The following ESRRG variants were observed in gnomAD, a reference collection of about 807,000 sequenced individuals.
ESRRG encodes estrogen related receptor gamma.
In ESRRG, 13 loss-of-function variants were observed where a neutral mutation model predicts 44.0. The observed-to-expected ratio is 0.30, with a 90% CI of 0.19 to 0.47. The LOEUF (loss-of-function observed/expected upper bound fraction) is 0.47, where lower values mean the gene tolerates loss of function less well. Ranked by LOEUF, ESRRG falls within the 20% of genes least tolerant of loss-of-function variation. ESRRG has a pLI of 1.00. For synonymous variants in ESRRG, 215 were observed against 214.6 expected (o/e 1.00, Z -0.02); for missense variants, 395 against 580.6 (o/e 0.68, Z 3.29).
At chr1:216,698,462 T>A (rs1296996995) in intron 1 of ESRRG, among the ~76,000 whole-genome samples, 1 of 136,976 alleles carries the variant, frequency 7.3e-6, no homozygotes, top group East Asian at 2.1e-4. Context: ...GAGCTTGCAG[T>A]GAGCCGAGAT....
At chr1:216,810,273 C>A (rs1015146680) in intron 2 of ESRRG, among the ~76,000 whole-genome samples, 11 of 152,092 alleles carry the variant, frequency 7.2e-5, no homozygotes, top group African/African-American at 2.4e-4. Flanking sequence ...TTTTTCTATG[C>A]CATCTATTCC....
chr1:216,894,351 G>A (rs1577791846), intron 2 of ESRRG, among the ~76,000 whole-genome samples: 1 of 152,228 alleles, frequency 6.6e-6, no homozygotes, highest in East Asian at 1.9e-4. Flanking sequence ...ATAACTCCCT[G>A]AGTCAGGTAA....
intron 1 of ESRRG, among the ~76,000 whole-genome samples, chr1:217,100,416 A>C (rs532711446): frequency 6.6e-6 from 1 of 152,308 alleles, no homozygotes; most frequent in East Asian, 1.9e-4. Context: ...GCCCTTTGAC[A>C]GTATCTTTTC....
intron 3 of ESRRG, among the ~76,000 whole-genome samples, chr1:216,637,155 C>T (rs542044119): frequency 3.9e-5 from 6 of 152,168 alleles, no homozygotes; most frequent in Admixed American, 6.5e-5. Flanking sequence ...CGGGGACAGA[C>T]GCTGGGCAAT....
intron 1 of ESRRG, among the ~76,000 whole-genome samples, chr1:216,980,359 C>T (rs545000760): frequency 1.4e-4 from 21 of 152,214 alleles, no homozygotes; most frequent in African/African-American, 4.8e-4. Context: ...CCAGAAAAAC[C>T]TCAAACCTGA....
chr1:217,006,267 G>A (rs568517800), intron 1 of ESRRG, among the ~76,000 whole-genome samples: 1 of 152,150 alleles, frequency 6.6e-6, no homozygotes, highest in Admixed American at 6.5e-5. Context: ...TGATGATTAG[G>A]TAATATAAAG....
At chr1:216,590,041 A>T (rs989902441) in intron 3 of ESRRG, among the ~76,000 whole-genome samples, 3 of 151,998 alleles carry the variant, frequency 2.0e-5, no homozygotes, top group African/African-American at 7.2e-5. Flanking sequence ...AATAAAACTT[A>T]AAAGTGAGTA....
intron 1 of ESRRG, among the ~76,000 whole-genome samples, chr1:217,004,126 A>G (rs1392772562): frequency 1.3e-5 from 2 of 152,208 alleles, no homozygotes; most frequent in Non-Finnish European, 2.9e-5. Context: ...TTACATTTCT[A>G]CAACGTAAAA....
At chr1:216,745,697 G>A (rs1297630772) in intron 2 of ESRRG, among the ~76,000 whole-genome samples, 1 of 152,104 alleles carries the variant, frequency 6.6e-6, no homozygotes, top group African/African-American at 2.4e-5. Flanking sequence ...TGTCAGCTCT[G>A]TGTATTACTA....
chr1:216,625,908 T>C (rs1179920886), intron 3 of ESRRG, among the ~76,000 whole-genome samples: 1 of 152,200 alleles, frequency 6.6e-6, no homozygotes, highest in East Asian at 1.9e-4. Flanking sequence ...CCTGTCTTAC[T>C]GTCTCTATCT....
chr1:216,579,287 A>T (rs1259359165), intron 3 of ESRRG, among the ~76,000 whole-genome samples: 2 of 152,154 alleles, frequency 1.3e-5, no homozygotes, highest in Non-Finnish European at 2.9e-5. Context: ...ACTAGGTCTT[A>T]ATATGGATCC....
chr1:216,993,700 C>T (rs2076019463), intron 1 of ESRRG, among the ~76,000 whole-genome samples: 2 of 152,140 alleles, frequency 1.3e-5, no homozygotes, highest in Non-Finnish European at 1.5e-5. Flanking sequence ...CTGAGGTACC[C>T]TGTTGAATGA....
intron 2 of ESRRG, among the ~76,000 whole-genome samples, chr1:216,837,500 T>A (rs2095586394): frequency 6.6e-6 from 1 of 152,232 alleles, no homozygotes; most frequent in African/African-American, 2.4e-5. Flanking sequence ...TGCTGATGTC[T>A]AATAGCTGTG....
chr1:216,576,747 T>A (rs1443392282), intron 3 of ESRRG, among the ~76,000 whole-genome samples: 1 of 152,018 alleles, frequency 6.6e-6, no homozygotes, highest in Non-Finnish European at 1.5e-5. Context: ...ACAGGAGAGA[T>A]GTTGCTCTAC....
chr1:216,848,398 C>CTTT (rs34200168), intron 2 of ESRRG, among the ~76,000 whole-genome samples: 10 of 142,892 alleles, frequency 7.0e-5, no homozygotes, highest in African/African-American at 2.0e-4. Context: ...AATTTCTTGG[C>CTTT]TTTTTTTTTT....
At chr1:216,539,664 C>T (rs969892122) in intron 5 of ESRRG, among the ~76,000 whole-genome samples, 3 of 152,048 alleles carry the variant, frequency 2.0e-5, no homozygotes, top group East Asian at 3.9e-4. Flanking sequence ...ACTGCTGGAT[C>T]GCTAGTGTTT....
chr1:216,515,899 GAAAT>G (rs1388677179), intron 6 of ESRRG, among the ~76,000 whole-genome samples: 1 of 151,910 alleles, frequency 6.6e-6, no homozygotes, highest in Non-Finnish European at 1.5e-5. Flanking sequence ...TCAATGAAGA[GAAAT>G]AAATCCTATC....
chr1:216,789,204 T>A (rs1309167472), intron 2 of ESRRG, among the ~76,000 whole-genome samples: 1 of 152,100 alleles, frequency 6.6e-6, no homozygotes, highest in African/African-American at 2.4e-5. Flanking sequence ...AACAGAGAAA[T>A]TATTCATGAA....
intron 3 of ESRRG, among the ~76,000 whole-genome samples, chr1:216,630,184 T>G (rs1464295713): frequency 2.0e-5 from 3 of 152,198 alleles, no homozygotes; most frequent in Non-Finnish European, 2.9e-5. Context: ...AACTATTTGC[T>G]TCATGACAGC....
Sources: allele counts gnomAD v4.1 joint callset (sites outside exome capture counted in the v4.1 genomes callset), GRCh38; gene constraint gnomAD v4.1.1; transcripts MANE v1.5; gene names NCBI Gene and HGNC (gene_info 2026-07-23, HGNC 2026-07-21).